CA5A: variants seen among roughly 807,000 people sequenced by gnomAD.
CA5A encodes the protein carbonic anhydrase 5A, also known as carbonic anhydrase 5A, mitochondrial.
Under a neutral mutation model 37.1 loss-of-function variants are expected in CA5A, and 28 were observed. The ratio of observed to expected loss-of-function variants is 0.75; its 90% CI spans 0.56 to 1.03. The LOEUF (loss-of-function observed/expected upper bound fraction) is 1.03. CA5A is among the 50% of genes least tolerant of loss of function. CA5A has a pLI of 0.00. For synonymous variants in CA5A, 171 were observed against 158.4 expected, an observed-to-expected ratio of 1.08 and a Z score of -0.60; for missense variants, 444 against 399.9, an observed-to-expected ratio of 1.11 and a Z score of -0.94.
chr16:87,930,127 G>A (rs1422650811), intron 1 of CA5A, among the ~76,000 whole-genome samples: 1 of 152,054 alleles, frequency 6.6e-6, no homozygotes, highest in Non-Finnish European at 1.5e-5. Context: ...ATCTGCTAGG[G>A]GTCTGCTGTC....
intron 6 of CA5A, among the ~76,000 whole-genome samples, chr16:87,890,921 A>C (rs1682909712): frequency 6.6e-6 from 1 of 151,912 alleles, no homozygotes. Flanking sequence ...CAGCCTCCCA[A>C]GTAGCTGATA....
intron 2 of CA5A, among the ~76,000 whole-genome samples, chr16:87,906,165 C>T (rs972397306): frequency 6.6e-6 from 1 of 152,118 alleles, no homozygotes; most frequent in African/African-American, 2.4e-5. Context: ...TGGAAGGCGC[C>T]AGCAGAACTG....
At chr16:87,906,603 G>C (rs143280316) in intron 2 of CA5A, among the ~76,000 whole-genome samples, 95 of 152,198 alleles carry the variant, frequency 6.2e-4, no homozygotes, top group African/African-American at 2.2e-3. Flanking sequence ...CTCCAGACTG[G>C]GCGACGGAGT....
chr16:87,881,862 A>G (rs1180991098), exon 5 of CA5A: 1 of 152,132 alleles, frequency 6.6e-6, no homozygotes, highest in Admixed American at 6.5e-5. Flanking sequence ...GTGTCTCAGG[A>G]TTAGCACCAG....
chr16:87,904,887 A>T lies in CA5A; in HGVS notation c.358T>A (p.Leu120Met). 1 of 1,610,448 alleles carries T rather than the reference A, an allele frequency of 6.2e-7. No homozygotes were observed. Among genetic ancestry groups the T allele is most frequent in the Non-Finnish European group, 8.5e-7 (1 of 1,176,652 alleles). Residue 120 changes from leucine to methionine, a missense_variant, in exon 3 of 7, where the codon TTG becomes ATG. Coordinates refer to ENST00000649794, the MANE Select transcript of CA5A (RefSeq NM_001739.2). ...TGCTTCAGTCTGTAGTGGTTTTCCAAGGGCCCACCACTAATTCCTGGAAAT... is the reference window on the plus strand; with the variant it reads ...TGCTTCAGTCTGTAGTGGTTTTCCATGGGCCCACCACTAATTCCTGGAAAT... Reference protein sequence around the residue: ...TEASGISGGPLENHYRLKQFH... With the variant: ...TEASGISGGPMENHYRLKQFH...
chr16:87,890,934 A>G (rs1285091508), intron 6 of CA5A, among the ~76,000 whole-genome samples: 1 of 151,862 alleles, frequency 6.6e-6, no homozygotes, highest in Non-Finnish European at 1.5e-5. Flanking sequence ...AGCTGATATT[A>G]CAGGCATGCA....
intron 5 of CA5A, chr16:87,893,362 C>G: frequency 2.4e-6 from 1 of 416,874 alleles, no homozygotes; most frequent in Non-Finnish European, 4.7e-6. Flanking sequence ...CTCCTGACCT[C>G]GTGATCTGCC....
At chr16:87,929,710 A>T (rs936915713) in intron 1 of CA5A, among the ~76,000 whole-genome samples, 18 of 151,276 alleles carry the variant, frequency 1.2e-4, no homozygotes, top group African/African-American at 4.4e-4. Context: ...GTCTCTACTA[A>T]AAATACAAAA....
intron 1 of CA5A, among the ~76,000 whole-genome samples, chr16:87,929,252 G>C (rs1209853159): frequency 6.6e-6 from 1 of 150,540 alleles, no homozygotes; most frequent in African/African-American, 2.4e-5. Context: ...AGGAGTTTGA[G>C]ACCAGCCTGG....
In CA5A at chr16:87,892,053, A is replaced by G; in HGVS notation, c.619-99T>C. 6.0e-6 allele frequency: 7 copies of G among 1,171,374 alleles called. No individual in the cohort carries two copies. The South Asian group carries it at 1.2e-4, about 20-fold the overall frequency. 72.6% of individuals were successfully genotyped at this position (1,171,374 alleles called of 1,614,324 possible). A position where few individuals can be genotyped will look rare whatever the true frequency, so the allele number is the denominator to read the frequency against. On this transcript the variant is annotated intron_variant, in intron 5 of 6. Coordinates refer to ENST00000649794, the MANE Select transcript of CA5A (RefSeq NM_001739.2). ...GAGGCCTTCATGGTGCTTGGAAGGA[A>G]GTGCTTTCCCCCAGATAAGGCCATG...
intron 5 of CA5A, among the ~76,000 whole-genome samples, chr16:87,898,685 T>C (rs2055835455): frequency 1.3e-5 from 2 of 151,700 alleles, no homozygotes. Flanking sequence ...GAACCAGACA[T>C]GCTCCTTATT....
At chr16:87,923,210 A>T (rs1001318620) in intron 2 of CA5A, among the ~76,000 whole-genome samples, 12 of 152,008 alleles carry the variant, frequency 7.9e-5, no homozygotes, top group Non-Finnish European at 1.6e-4. Flanking sequence ...TTTTCCCGCG[A>T]TGGAGTCTCG....
In CA5A at chr16:87,925,065, C is replaced by T. The variant is rs149322277; in HGVS notation, c.340+1683G>A. 5.3e-3 allele frequency among the ~76,000 whole-genome samples: 810 copies of T among 152,328 alleles called. 9 individuals carry two copies. The highest frequency in any genetic ancestry group is 0.018 in the African/African-American group (756 of 41,582). On this transcript the variant is annotated intron_variant, in intron 2 of 6. Coordinates refer to ENST00000649794, the MANE Select transcript of CA5A (RefSeq NM_001739.2). Reference sequence around the variant, plus strand: ...TATCAAATAAGACAAAGACCTGCCCCAGCGGAGTTACATCCTCATGGGAGC... The same window carrying T: ...TATCAAATAAGACAAAGACCTGCCCTAGCGGAGTTACATCCTCATGGGAGC...
At chr16:87,920,722 A>T (rs1240242119) in intron 2 of CA5A, among the ~76,000 whole-genome samples, 1 of 152,068 alleles carries the variant, frequency 6.6e-6, no homozygotes, top group Non-Finnish European at 1.5e-5. Flanking sequence ...AGGTTCAAGC[A>T]ATTCTTCTGC....
chr16:87,910,392 G>T (rs2056033443), intron 2 of CA5A, among the ~76,000 whole-genome samples: 1 of 152,144 alleles, frequency 6.6e-6, no homozygotes, highest in Non-Finnish European at 1.5e-5. Flanking sequence ...GTCCAACTTT[G>T]AGATGAGGAA....
intron 2 of CA5A, among the ~76,000 whole-genome samples, chr16:87,919,162 G>A (rs1432349047): frequency 2.0e-5 from 3 of 152,244 alleles, no homozygotes; most frequent in Admixed American, 6.5e-5. Context: ...AGAGGCTGAC[G>A]CTGGGAGACA....
rs537686836 is a variant in CA5A at position 87,891,924 on chromosome 16, G to T, written c.649C>A (p.Pro217Thr). 1.9e-6 allele frequency: 3 copies of T among 1,560,352 alleles called. No individual in the cohort carries two copies. Among genetic ancestry groups the T allele is most frequent in the African/African-American group, 1.4e-5 (1 of 72,870 alleles). ...CAGCAGGTGGGCAGCAGAGTGGAGG[G>T]GTCGAAGGGGCGCATGGCCGCCCGC... The part of the protein sequence containing the change: ...DARAAMRPFD[P>T]STLLPTCWDY... Residue 217 changes from proline (P) to threonine (T), a missense_variant, in exon 6 of 7, where the codon CCC becomes ACC. By Grantham distance (38) the Pro-to-Thr change is conservative. Transcript: ENST00000649794.
rs181079590 is a variant in CA5A at position 87,922,643 on chromosome 16, C to T, written c.340+4105G>A. ...CTCAAGGCCCACTGGACACAGCCTC[C>T]GCTGGGCTTGAGCCAGAGGCCCGTC... On this transcript the variant is annotated intron_variant, in intron 2 of 6. Coordinates refer to ENST00000649794, the MANE Select transcript of CA5A (RefSeq NM_001739.2). 7.2e-3 allele frequency among the ~76,000 whole-genome samples: 1,091 copies of T among 152,362 alleles called. 1 individual carries two copies. The highest frequency in any genetic ancestry group is 0.011 in the Non-Finnish European group (761 of 68,036).
In CA5A at chr16:87,914,523, G is replaced by A. The variant is rs190073479; in HGVS notation, c.341-9619C>T. Among the ~76,000 whole-genome samples, 17 of 152,070 alleles carry A rather than the reference G, an allele frequency of 1.1e-4. No individual in the cohort carries two copies. The East Asian group carries it at 2.7e-3, about 24-fold the overall frequency. ...TCTCCAAGGCTGAGGAACTGGGGTG[G>A]GAGGAGGAGGAGGCACAGAGCCGTC... On this transcript the variant is annotated intron_variant, in intron 2 of 6. Coordinates refer to ENST00000649794, the MANE Select transcript of CA5A (RefSeq NM_001739.2).
Sources: allele counts gnomAD v4.1 joint callset (sites outside exome capture counted in the v4.1 genomes callset), GRCh38; gene constraint gnomAD v4.1.1; transcripts MANE v1.5; gene names NCBI Gene and HGNC (gene_info 2026-07-23, HGNC 2026-07-21).